Variants in SF3B3 observed in about 807,000 individuals in gnomAD.
SF3B3 encodes SAP 130.
A neutral mutation model predicts 139.2 loss-of-function variants in SF3B3; 33 were observed. The ratio of observed to expected loss-of-function variants is 0.24; its 90% CI spans 0.18 to 0.32. The LOEUF is 0.32. SF3B3 is among the 10% of genes least tolerant of loss of function. The pLI, the probability that SF3B3 is intolerant of heterozygous loss-of-function variation, is 1.00. For synonymous variants in SF3B3, 596 were observed against 563.6 expected (o/e 1.06, Z -0.81); for missense variants, 818 against 1,509.4 (o/e 0.54, Z 7.59).
chr16:70,569,166 G>A (rs1357059265), intron 23 of SF3B3, 25 bp downstream of exon 23: 4 of 1,507,462 alleles, frequency 2.7e-6, no homozygotes, highest in Admixed American at 1.8e-5. Context: ...TGGGCCCCAG[G>A]GAGAACACTG....
At chr16:70,565,963 A>G (rs888815624) in intron 20 of SF3B3, among the ~76,000 whole-genome samples, 2 of 152,038 alleles carry the variant, frequency 1.3e-5, no homozygotes, top group Non-Finnish European at 2.9e-5. Flanking sequence ...CTAAAAATAC[A>G]AAAATCAGCC....
At chr16:70,538,262 G>C in intron 6 of SF3B3, 61 bp from the exon 7 acceptor site, 1 of 1,492,088 alleles carries the variant, frequency 6.7e-7, no homozygotes, top group South Asian at 1.2e-5. Context: ...GTAAAGTGCT[G>C]AATTCCAGAA....
At chr16:70,528,469 T>TG (rs201706288) in intron 2 of SF3B3, among the ~76,000 whole-genome samples, 16,154 of 143,418 alleles carry the variant, frequency 0.11, 3,108 homozygotes, top group African/African-American at 0.4. Flanking sequence ...GTGGCCTTTT[T>TG]TTTTTTTTTT....
intron 6 of SF3B3, among the ~76,000 whole-genome samples, chr16:70,536,547 AT>A (rs2050169709): frequency 7.0e-6 from 1 of 143,596 alleles, no homozygotes; most frequent in African/African-American, 2.6e-5. Context: ...TTTTTTTTGT[AT>A]TTTTAGTAAA....
At chr16:70,543,325 G>A (rs1240430602) in intron 9 of SF3B3, among the ~76,000 whole-genome samples, 1 of 151,442 alleles carries the variant, frequency 6.6e-6, no homozygotes, top group African/African-American at 2.4e-5. Context: ...CAAGAGAATC[G>A]CTTGAACTTG....
At chr16:70,567,933 G>A (rs551537825) in intron 21 of SF3B3, among the ~76,000 whole-genome samples, 25 of 152,252 alleles carry the variant, frequency 1.6e-4, no homozygotes, top group Non-Finnish European at 3.4e-4. Context: ...TGATCTACCC[G>A]CCTTAGCCTC....
At position 70,566,109 on chromosome 16, in the gene SF3B3, C is replaced by T. The variant is rs13330203; in HGVS notation, c.2826+585C>T. ...TCTAGCCTGGGTGACAAGAGTGAGA[C>T]TGTCAAAAAAAAAAAAAAGATTTAA... On this transcript the variant is annotated intron_variant, in intron 20 of 25. Coordinates refer to ENST00000302516, the MANE Select transcript of SF3B3 (RefSeq NM_012426.5). 5.8e-3 allele frequency among the ~76,000 whole-genome samples: 816 copies of T among 140,708 alleles called. 2 individuals carry two copies. Among genetic ancestry groups the T allele is most frequent in the African/African-American group, 0.022 (765 of 35,020 alleles). 92.3% of individuals were successfully genotyped at this position (140,708 alleles called of 152,430 possible).
In SF3B3 at chr16:70,530,670, G is replaced by A. The variant is rs527885033; in HGVS notation, c.398-75G>A. ...ATAATGATTAAAAGAAAAGCATGAT[G>A]TGACTCTAGCTGTTCTATAAGTCTC... On this transcript the variant is annotated intron_variant, in intron 3 of 25. Coordinates refer to ENST00000302516, the MANE Select transcript of SF3B3 (RefSeq NM_012426.5). 38 of 1,195,100 alleles carry A rather than the reference G, an allele frequency of 3.2e-5. No homozygotes were observed. The Middle Eastern group carries it at 6.0e-4, about 19-fold the overall frequency. 74.0% of individuals were successfully genotyped at this position (1,195,100 alleles called of 1,614,324 possible).
chr16:70,532,312 C>T (rs1177274411), intron 4 of SF3B3, among the ~76,000 whole-genome samples, 167 bp from the exon 5 acceptor site: 1 of 141,340 alleles, frequency 7.1e-6, no homozygotes. Context: ...AAGATCATAC[C>T]TCTGTGCACT....
chr16:70,566,721 T>A (rs1204940163), intron 20 of SF3B3, among the ~76,000 whole-genome samples: 1 of 152,102 alleles, frequency 6.6e-6, no homozygotes, highest in Non-Finnish European at 1.5e-5. Flanking sequence ...TCATAGACCC[T>A]TTTGCATATT....
Position 70,523,941 on chromosome 16 carries a change from C to T in SF3B3, c.-71+13C>T, listed in dbSNP as rs1034641274. 4.7e-6 allele frequency: 2 copies of T among 429,564 alleles called. No homozygotes were observed. The highest frequency in any genetic ancestry group is 2.1e-5 in the African/African-American group (1 of 48,710). 26.6% of individuals were successfully genotyped at this position (429,564 alleles called of 1,614,324 possible). On this transcript the variant is annotated intron_variant, in intron 1 of 25. Coordinates refer to ENST00000302516, the MANE Select transcript of SF3B3 (RefSeq NM_012426.5). ...TTCTCGCTGCAGGGTAAAAAAACAGCCTGGAGACTTCCCCGGGCCCGGGGA... is the reference window on the plus strand; with the variant it reads ...TTCTCGCTGCAGGGTAAAAAAACAGTCTGGAGACTTCCCCGGGCCCGGGGA...
intron 6 of SF3B3, 87 bp downstream of exon 6, chr16:70,535,507 T>G (rs1025562474): frequency 1.3e-5 from 9 of 673,420 alleles, no homozygotes; most frequent in African/African-American, 1.1e-4. Context: ...CAATTTAGTT[T>G]TTTTGTAAAT....
chr16:70,543,981 G>A (rs1295433173), intron 9 of SF3B3, among the ~76,000 whole-genome samples: 1 of 152,008 alleles, frequency 6.6e-6, no homozygotes, highest in Non-Finnish European at 1.5e-5. Context: ...CGCCTCCTCA[G>A]TAGCTGGGAC....
chr16:70,536,849 T>A (rs2050173599), intron 6 of SF3B3, among the ~76,000 whole-genome samples: 1 of 150,752 alleles, frequency 6.6e-6, no homozygotes, highest in Admixed American at 6.6e-5. Context: ...CTTGCTCTGT[T>A]GCCCAGGCTG....
chr16:70,545,802 TAACA>T (rs1457348730), intron 10 of SF3B3, among the ~76,000 whole-genome samples: 2 of 152,204 alleles, frequency 1.3e-5, no homozygotes, highest in African/African-American at 2.4e-5. Context: ...AATGAGTTGA[TAACA>T]AACAAAGCAC....
intron 10 of SF3B3, among the ~76,000 whole-genome samples, chr16:70,545,008 A>G (rs1250123961): frequency 1.3e-5 from 2 of 152,136 alleles, no homozygotes; most frequent in Non-Finnish European, 2.9e-5. Context: ...ATATTTTTGT[A>G]TCTTATTAAA....
chr16:70,564,110 T>C, intron 18 of SF3B3, 60 bp downstream of exon 18: 1 of 1,558,216 alleles, frequency 6.4e-7, no homozygotes, highest in Non-Finnish European at 8.7e-7. Context: ...GTTGAAAAGT[T>C]TAAACTGCCC....
rs555253770 is a variant in SF3B3, at chr16:70,547,907, A to G, written c.1330-463A>G. On this transcript the variant is annotated intron_variant, in intron 10 of 25. Transcript: ENST00000302516. Reference sequence around the variant, plus strand: ...GCCCAGCCGGTGGTGACTGATTTCTATGAGTGCTTATAGAAGGGAGAGGTG... The same window carrying G: ...GCCCAGCCGGTGGTGACTGATTTCTGTGAGTGCTTATAGAAGGGAGAGGTG... 3.9e-5 allele frequency among the ~76,000 whole-genome samples: 6 copies of G among 152,222 alleles called. No individual in the cohort carries two copies. The South Asian group carries it at 8.3e-4, about 21-fold the overall frequency.
intron 18 of SF3B3, 83 bp from the exon 19 acceptor site, chr16:70,564,982 G>A (rs895661555): frequency 7.9e-7 from 1 of 1,270,258 alleles, no homozygotes; most frequent in African/African-American, 1.5e-5. Context: ...GAACCCCCTG[G>A]AGTGTTCTTG....
Sources: allele counts gnomAD v4.1 joint callset (sites outside exome capture counted in the v4.1 genomes callset), GRCh38; gene constraint gnomAD v4.1.1; transcripts MANE v1.5; gene names NCBI Gene and HGNC (gene_info 2026-07-23, HGNC 2026-07-21).